The following ROBO2 variants were observed in gnomAD, a reference collection of about 807,000 sequenced individuals.
ROBO2 encodes the protein roundabout homolog 2.
In ROBO2, 53 loss-of-function variants were observed where a neutral mutation model predicts 160.8. The observed-to-expected ratio is 0.33, with a 90% CI of 0.26 to 0.41. The LOEUF (loss-of-function observed/expected upper bound fraction) is 0.41. Ranked by LOEUF, ROBO2 falls within the 10% of genes least tolerant of loss-of-function variation. The pLI is 1.00. For synonymous variants in ROBO2, 664 were observed against 611.7 expected (o/e 1.09, Z -1.26); for missense variants, 1,577 against 1,722.4 (o/e 0.92, Z 1.49).
chr3:76,272,696 C>T (rs1707518505), intron 2 of ROBO2, among the ~76,000 whole-genome samples: 1 of 121,790 alleles, frequency 8.2e-6, no homozygotes, highest in East Asian at 2.2e-4. Context: ...TATATATATT[C>T]TATATATATA....
intron 2 of ROBO2, among the ~76,000 whole-genome samples, chr3:76,967,622 A>G (rs1441556166): frequency 6.7e-6 from 1 of 148,912 alleles, no homozygotes; most frequent in African/African-American, 2.5e-5. Flanking sequence ...TCTAAACTCA[A>G]GGGATCCTCC....
intron 1 of ROBO2, among the ~76,000 whole-genome samples, chr3:77,081,680 T>C (rs921767297): frequency 2.0e-5 from 3 of 152,226 alleles, no homozygotes; most frequent in Non-Finnish European, 2.9e-5. Flanking sequence ...GTGTTAAGTA[T>C]TGTAACATTC....
At chr3:76,391,096 A>G (rs1027611813) in intron 2 of ROBO2, among the ~76,000 whole-genome samples, 1 of 151,972 alleles carries the variant, frequency 6.6e-6, no homozygotes, top group African/African-American at 2.4e-5. Flanking sequence ...GTTATAATAA[A>G]TATTATAAAT....
chr3:77,356,643 G>A (rs547611900), intron 2 of ROBO2, among the ~76,000 whole-genome samples: 2 of 152,174 alleles, frequency 1.3e-5, no homozygotes, highest in Non-Finnish European at 2.9e-5. Context: ...AAATGAAAAC[G>A]CAATTTATAT....
At chr3:75,995,102 A>G (rs1031398187) in intron 2 of ROBO2, among the ~76,000 whole-genome samples, 1 of 152,178 alleles carries the variant, frequency 6.6e-6, no homozygotes, top group Non-Finnish European at 1.5e-5. Context: ...CAAGAAAAAC[A>G]TTTTCTGGGG....
intron 2 of ROBO2, among the ~76,000 whole-genome samples, chr3:76,080,362 C>A (rs1209557353): frequency 6.6e-6 from 1 of 152,224 alleles, no homozygotes; most frequent in Non-Finnish European, 1.5e-5. Context: ...GAAATGCATC[C>A]ATGTTTTTTT....
chr3:77,277,081 TA>T (rs1319772051), intron 2 of ROBO2, among the ~76,000 whole-genome samples: 1 of 152,044 alleles, frequency 6.6e-6, no homozygotes, highest in Non-Finnish European at 1.5e-5. Context: ...CCTTGTATTT[TA>T]AAAAGAAAAA....
chr3:76,092,156 C>T (rs2069261011), intron 2 of ROBO2, among the ~76,000 whole-genome samples: 1 of 151,996 alleles, frequency 6.6e-6, no homozygotes, highest in African/African-American at 2.4e-5. Flanking sequence ...TAGTGTGGGA[C>T]GTTGCGCATG....
intron 2 of ROBO2, among the ~76,000 whole-genome samples, chr3:77,003,227 G>C (rs184864016): frequency 6.6e-6 from 1 of 152,234 alleles, no homozygotes; most frequent in East Asian, 1.9e-4. Context: ...AGTTCTGAAA[G>C]CATACTTGAT....
intron 2 of ROBO2, among the ~76,000 whole-genome samples, chr3:76,398,430 C>A (rs1483282596): frequency 6.6e-6 from 1 of 151,750 alleles, no homozygotes; most frequent in Admixed American, 6.6e-5. Context: ...ACATATGTAA[C>A]TAACCTGCAC....
At chr3:76,247,539 A>G (rs1285435549) in intron 2 of ROBO2, among the ~76,000 whole-genome samples, 1 of 152,132 alleles carries the variant, frequency 6.6e-6, no homozygotes, top group Non-Finnish European at 1.5e-5. Flanking sequence ...GCTATGACAC[A>G]TTGGGCTTCT....
intron 2 of ROBO2, among the ~76,000 whole-genome samples, chr3:75,947,801 A>G (rs547131040): frequency 3.3e-5 from 5 of 152,256 alleles, no homozygotes; most frequent in Non-Finnish European, 5.9e-5. Flanking sequence ...CTTAGGAAAT[A>G]TAACTTGTTT....
At chr3:77,504,941 A>G (rs2088253961) in intron 5 of ROBO2, among the ~76,000 whole-genome samples, 1 of 152,222 alleles carries the variant, frequency 6.6e-6, no homozygotes, top group South Asian at 2.1e-4. Flanking sequence ...GTGGAATAGC[A>G]ATGGCTATTT....
intron 2 of ROBO2, among the ~76,000 whole-genome samples, chr3:76,782,668 T>C (rs1170300813): frequency 6.6e-6 from 1 of 150,780 alleles, no homozygotes; most frequent in Admixed American, 6.6e-5. Context: ...TGACTTAAAA[T>C]CTACTTCATC....
chr3:77,645,267 C>T (rs2095401255), intron 25 of ROBO2, among the ~76,000 whole-genome samples: 1 of 152,074 alleles, frequency 6.6e-6, no homozygotes, highest in Non-Finnish European at 1.5e-5. Flanking sequence ...TTTAAAGAAA[C>T]TCCTAAGGAA....
At chr3:76,661,230 A>T (rs2091804457) in intron 2 of ROBO2, among the ~76,000 whole-genome samples, 1 of 152,174 alleles carries the variant, frequency 6.6e-6, no homozygotes, top group Admixed American at 6.6e-5. Flanking sequence ...TCCTGGCTCT[A>T]TGTAGGCCAA....
At chr3:76,340,445 T>A (rs1269439954) in intron 2 of ROBO2, among the ~76,000 whole-genome samples, 2 of 152,140 alleles carry the variant, frequency 1.3e-5, no homozygotes, top group African/African-American at 4.8e-5. Flanking sequence ...CTAACTGATA[T>A]ATTTCTAACC....
intron 2 of ROBO2, among the ~76,000 whole-genome samples, chr3:76,260,295 G>A (rs905885797): frequency 1.3e-5 from 2 of 152,042 alleles, no homozygotes; most frequent in Non-Finnish European, 2.9e-5. Context: ...ATCCCATAGG[G>A]CTGATGTTGT....
At chr3:77,444,321 G>C (rs189167537) in intron 2 of ROBO2, among the ~76,000 whole-genome samples, 1 of 152,218 alleles carries the variant, frequency 6.6e-6, no homozygotes, top group Non-Finnish European at 1.5e-5. Context: ...TGATATATTT[G>C]AGTATATAAT....
Sources: allele counts gnomAD v4.1 joint callset (sites outside exome capture counted in the v4.1 genomes callset), GRCh38; gene constraint gnomAD v4.1.1; transcripts MANE v1.5; gene names NCBI Gene and HGNC (gene_info 2026-07-23, HGNC 2026-07-21).